The following TLK2 variants were observed in gnomAD, a reference collection of about 807,000 sequenced individuals.
TLK2 encodes serine/threonine-protein kinase tousled-like 2.
Under a neutral mutation model 117.3 loss-of-function variants are expected in TLK2, and 6 were observed. That is an observed-to-expected ratio of 0.05 (90% CI 0.03 to 0.10). TLK2 has a LOEUF of 0.10. TLK2 is among the 10% of genes least tolerant of loss of function. TLK2 has a pLI of 1.00. For missense variants in TLK2, 299 were observed against 901.2 expected (o/e 0.33, Z 8.56); for synonymous variants, 257 against 316.7 (o/e 0.81, Z 2.00).
chr17:62,592,869 G>A (rs960925129), intron 16 of TLK2, among the ~76,000 whole-genome samples: 3 of 152,244 alleles, frequency 2.0e-5, no homozygotes, highest in Admixed American at 6.5e-5. Context: ...ATGGGAGACA[G>A]TGACAGATCA....
rs1458166293 is a variant in TLK2, at chr17:62,580,253, G to A, written c.1368+61G>A. On this transcript the variant is annotated intron_variant, in intron 15 of 21. Coordinates refer to ENST00000346027, the MANE Select transcript of TLK2 (RefSeq NM_006852.6). ...TAAATTATCGGCTCCTACCAACTTG[G>A]AGAACATTAAGAATACTGATAATTG... is the stretch of plus-strand genomic sequence containing the variant. 14 of 1,285,754 alleles carry A rather than the reference G, an allele frequency of 1.1e-5. 1 individual carries two copies. In the East Asian group the frequency reaches 3.3e-4, roughly 31 times the overall value. The allele number at this position is 1,285,754 out of a possible 1,614,324, so 79.6% of individuals were successfully genotyped here. A position where few individuals can be genotyped will look rare whatever the true frequency, so the allele number is the denominator to read the frequency against.
chr17:62,529,971 C>A (rs552329811), intron 6 of TLK2, among the ~76,000 whole-genome samples: 1 of 152,044 alleles, frequency 6.6e-6, no homozygotes, highest in Admixed American at 6.6e-5. Flanking sequence ...TGGGGACCCA[C>A]GTGGGAGGAT....
In TLK2 at chr17:62,505,537, G is replaced by A. The variant is rs918932052; in HGVS notation, c.82-15236G>A. ...CAAACTGTTGGGATTACAGGCATGA[G>A]CCACCACATGCAGCTCAAGACACCA... On this transcript the variant is annotated intron_variant, in intron 2 of 21. Coordinates refer to ENST00000346027, the MANE Select transcript of TLK2 (RefSeq NM_006852.6). Among the ~76,000 whole-genome samples the A allele has an allele frequency of 2.7e-5, 4 of 150,196 alleles. No individual in the cohort carries two copies. The Admixed American group carries it at 2.7e-4, about 10-fold the overall frequency.
At chr17:62,578,661 A>T (rs1211652162) in intron 14 of TLK2, 87 bp downstream of exon 14, 77 of 1,018,188 alleles carry the variant, frequency 7.6e-5, no homozygotes, top group Non-Finnish European at 1.1e-4. Context: ...TGTTTGCTTA[A>T]TGTAAGTTAC....
intron 6 of TLK2, among the ~76,000 whole-genome samples, chr17:62,528,485 T>C (rs1396684880): frequency 1.3e-5 from 2 of 152,106 alleles, no homozygotes; most frequent in Non-Finnish European, 2.9e-5. Context: ...GGCGCAATCT[T>C]GGCTCACTGC....
At chr17:62,557,195 G>A (rs2078923257) in intron 9 of TLK2, among the ~76,000 whole-genome samples, 1 of 152,160 alleles carries the variant, frequency 6.6e-6, no homozygotes, top group Admixed American at 6.5e-5. Flanking sequence ...AAAGTGCTGG[G>A]ATAACAGACG....
intron 7 of TLK2, among the ~76,000 whole-genome samples, chr17:62,539,801 C>G (rs182447863): frequency 3.9e-5 from 6 of 152,254 alleles, no homozygotes; most frequent in Admixed American, 2.0e-4. Context: ...CCACACCCAG[C>G]CTTCTTAATC....
upstream of TLK2, among the ~76,000 whole-genome samples, chr17:62,478,753 AC>A (rs1376552624): frequency 8.1e-5 from 1 of 12,412 alleles, no homozygotes; most frequent in African/African-American, 1.2e-4. Flanking sequence ...CCCCCCCAGG[AC>A]CCCCCCCGCC....
At chr17:62,542,143 A>G (rs915253275) in intron 7 of TLK2, among the ~76,000 whole-genome samples, 7 of 152,262 alleles carry the variant, frequency 4.6e-5, no homozygotes, top group Admixed American at 1.3e-4. Context: ...GAACATGCAC[A>G]TGACCCGCAA....
At chr17:62,551,372 T>A (rs895605865) in intron 7 of TLK2, among the ~76,000 whole-genome samples, 1 of 152,234 alleles carries the variant, frequency 6.6e-6, no homozygotes, top group Non-Finnish European at 1.5e-5. Context: ...ATGTCTGTGA[T>A]GGGTCATACT....
intron 2 of TLK2, among the ~76,000 whole-genome samples, chr17:62,515,659 C>T (rs1293316374): frequency 6.6e-6 from 1 of 152,014 alleles, no homozygotes; most frequent in African/African-American, 2.4e-5. Context: ...GTCCTTTGCC[C>T]ATTTTTTCAT....
chr17:62,474,475 T>A (rs1292644199), upstream of TLK2, among the ~76,000 whole-genome samples: 3 of 151,564 alleles, frequency 2.0e-5, no homozygotes, highest in Admixed American at 6.6e-5. Context: ...AGTGGTGCGG[T>A]CTCGGCTTAC....
intron 2 of TLK2, among the ~76,000 whole-genome samples, chr17:62,497,127 G>A (rs1197389708): frequency 1.3e-5 from 2 of 152,006 alleles, no homozygotes; most frequent in Admixed American, 6.6e-5. Flanking sequence ...GCATGGTGGC[G>A]TGTGCCTATA....
chr17:62,540,450 G>T, intron 7 of TLK2, among the ~76,000 whole-genome samples: 1 of 105,628 alleles, frequency 9.5e-6, no homozygotes. Context: ...TTGTTACCCA[G>T]GCTGGAGTGC....
At chr17:62,562,687 CTGAT>C (rs1011144106) in intron 10 of TLK2, among the ~76,000 whole-genome samples, 4 of 152,096 alleles carry the variant, frequency 2.6e-5, no homozygotes, top group Non-Finnish European at 5.9e-5. Context: ...GAGGGGCAGC[CTGAT>C]TTGTTACACC....
At chr17:62,474,325 G>A (rs950537456), upstream of TLK2, among the ~76,000 whole-genome samples, 2 of 151,758 alleles carry the variant, frequency 1.3e-5, no homozygotes, top group Non-Finnish European at 2.9e-5. Flanking sequence ...TGATTCACCC[G>A]CTTCACCCTC....
chr17:62,575,065 A>C (rs2080669886), intron 12 of TLK2, among the ~76,000 whole-genome samples: 1 of 152,206 alleles, frequency 6.6e-6, no homozygotes, highest in South Asian at 2.1e-4. Flanking sequence ...AAATTATTTA[A>C]TGCTAATGCA....
intron 2 of TLK2, among the ~76,000 whole-genome samples, chr17:62,514,641 C>T (rs1395897506): frequency 4.0e-5 from 6 of 149,994 alleles, no homozygotes; most frequent in East Asian, 3.9e-4. Flanking sequence ...TGCAGTGGCG[C>T]GATCTTGGAT....
intron 1 of TLK2, among the ~76,000 whole-genome samples, chr17:62,472,402 TG>T (rs763737149): frequency 6.6e-6 from 1 of 151,990 alleles, no homozygotes; most frequent in Non-Finnish European, 1.5e-5. Flanking sequence ...GAAGGATGCA[TG>T]GGCCACATGC....
Sources: gnomAD v4.1 joint callset for allele counts (sites outside exome capture counted in the v4.1 genomes callset) on GRCh38, gnomAD v4.1.1 for gene constraint, MANE v1.5 for transcripts, NCBI Gene and HGNC (gene_info 2026-07-23, HGNC 2026-07-21) for gene names.